CFAP299: variants seen among roughly 807,000 people sequenced by gnomAD.
CFAP299 encodes cilia- and flagella-associated protein 299.
In CFAP299, 21 loss-of-function variants were observed where a neutral mutation model predicts 27.0. The ratio of observed to expected loss-of-function variants is 0.78; its 90% CI spans 0.55 to 1.12. CFAP299 has a LOEUF of 1.12. Ranked by LOEUF, CFAP299 falls within the 50% of genes most tolerant of loss-of-function variation. The probability of loss-of-function intolerance (pLI) is 0.00; values close to 1 mark genes in which losing one functional copy is unlikely to be tolerated. For synonymous variants in CFAP299, 104 were observed against 98.1 expected (o/e 1.06, Z -0.36); for missense variants, 310 against 276.6 (o/e 1.12, Z -0.86).
chr4:80,457,613 C>A (rs751449411), intron 2 of CFAP299, among the ~76,000 whole-genome samples: 3 of 152,154 alleles, frequency 2.0e-5, no homozygotes, highest in Non-Finnish European at 4.4e-5. Context: ...GGTTGGTAGT[C>A]AGAGTTTCTC....
chr4:80,846,971 C>A (rs1234789938), intron 3 of CFAP299, among the ~76,000 whole-genome samples: 6 of 152,196 alleles, frequency 3.9e-5, no homozygotes, highest in Admixed American at 3.9e-4. Flanking sequence ...TCTGCAAGAA[C>A]AATGCCCTTT....
At chr4:80,909,980 C>A (rs1578231556) in intron 4 of CFAP299, among the ~76,000 whole-genome samples, 1 of 152,174 alleles carries the variant, frequency 6.6e-6, no homozygotes, top group African/African-American at 2.4e-5. Flanking sequence ...TTAACTCATG[C>A]TTTAAAAATC....
intron 2 of CFAP299, among the ~76,000 whole-genome samples, chr4:80,530,667 A>G (rs117269279): frequency 1.3e-5 from 2 of 152,338 alleles, no homozygotes; most frequent in East Asian, 3.9e-4. Flanking sequence ...TTTGTGCTAA[A>G]TTGTAAATGC....
At chr4:80,871,880 T>A (rs13146260) in intron 4 of CFAP299, 19,232 of 155,862 alleles carry the variant, frequency 0.12, 1,359 homozygotes, top group Middle Eastern at 0.25. Flanking sequence ...ACTGTCTAAT[T>A]TATTTTTTAT....
intron 2 of CFAP299, among the ~76,000 whole-genome samples, chr4:80,531,318 G>A (rs1198775889): frequency 6.6e-6 from 1 of 152,080 alleles, no homozygotes; most frequent in African/African-American, 2.4e-5. Flanking sequence ...TATATTTATA[G>A]ATAAATTTCT....
At chr4:80,611,022 G>T (rs1461715345) in intron 3 of CFAP299, among the ~76,000 whole-genome samples, 1 of 151,990 alleles carries the variant, frequency 6.6e-6, no homozygotes, top group African/African-American at 2.4e-5. Context: ...TGGCCAAATG[G>T]TAAACCGCAG....
intron 2 of CFAP299, among the ~76,000 whole-genome samples, chr4:80,421,510 CACTT>C (rs946582457): frequency 1.3e-5 from 2 of 152,302 alleles, no homozygotes; most frequent in South Asian, 2.1e-4. Context: ...GAATAATTAG[CACTT>C]ACTTATTACT....
At position 80,402,411 on chromosome 4, in the gene CFAP299, T is replaced by A. The variant is rs530359634; in HGVS notation, c.242+39527T>A. ...GCTGGTCTTTCCCATGCTATTCTCA[T>A]GATAGCGAATAAGTATCATGAGATC... On this transcript the variant is annotated intron_variant, in intron 2 of 5. Coordinates refer to ENST00000358105, the MANE Select transcript of CFAP299 (RefSeq NM_152770.3). Among the ~76,000 whole-genome samples the A allele has an allele frequency of 1.3e-4, 20 of 152,298 alleles. No individual in the cohort carries two copies. In the East Asian group the frequency reaches 3.9e-3, roughly 29 times the overall value.
intron 3 of CFAP299, among the ~76,000 whole-genome samples, chr4:80,784,099 A>G (rs1344763516): frequency 6.6e-6 from 1 of 152,068 alleles, no homozygotes; most frequent in East Asian, 1.9e-4. Flanking sequence ...ATAATATTCC[A>G]TTTGTGTGTA....
At chr4:80,644,624 G>C (rs1052366273) in intron 3 of CFAP299, among the ~76,000 whole-genome samples, 5 of 152,176 alleles carry the variant, frequency 3.3e-5, no homozygotes, top group Non-Finnish European at 5.9e-5. Context: ...TGGAAACAAT[G>C]TAAGTATTTG....
At chr4:80,388,467 C>A in intron 2 of CFAP299, 1 of 1,066,210 alleles carries the variant, frequency 9.4e-7, no homozygotes, top group Non-Finnish European at 1.4e-6. Context: ...GAGACTGTGT[C>A]CAGGTCGGGG....
intron 3 of CFAP299, among the ~76,000 whole-genome samples, chr4:80,841,131 G>A (rs1730841247): frequency 1.3e-5 from 2 of 152,080 alleles, no homozygotes; most frequent in Non-Finnish European, 2.9e-5. Flanking sequence ...GTAACAATAA[G>A]CACTTTATAA....
intron 2 of CFAP299, among the ~76,000 whole-genome samples, chr4:80,393,711 G>A (rs894146877): frequency 6.6e-6 from 1 of 152,114 alleles, no homozygotes; most frequent in African/African-American, 2.4e-5. Flanking sequence ...GTTTGTGTCA[G>A]TACACTCTAT....
intron 3 of CFAP299, among the ~76,000 whole-genome samples, chr4:80,715,182 A>G (rs1026885547): frequency 6.6e-6 from 1 of 152,126 alleles, no homozygotes; most frequent in African/African-American, 2.4e-5. Flanking sequence ...TGTTCTGATC[A>G]ATCCAAATTA....
intron 4 of CFAP299, among the ~76,000 whole-genome samples, chr4:80,903,452 T>C (rs1356686995): frequency 6.6e-6 from 1 of 152,042 alleles, no homozygotes; most frequent in Non-Finnish European, 1.5e-5. Context: ...AATATTATTT[T>C]GTTCTAATTA....
chr4:80,440,041 A>T (rs1728280933), intron 2 of CFAP299, among the ~76,000 whole-genome samples: 1 of 152,176 alleles, frequency 6.6e-6, no homozygotes, highest in Non-Finnish European at 1.5e-5. Context: ...AAAGAAAGGC[A>T]GCAGCCCCCA....
chr4:80,426,308 T>G (rs1382383583), intron 2 of CFAP299, among the ~76,000 whole-genome samples: 1 of 152,158 alleles, frequency 6.6e-6, no homozygotes, highest in Admixed American at 6.5e-5. Context: ...CTATATATGC[T>G]AATATGATCA....
chr4:80,736,880 A>G (rs1411142511), intron 3 of CFAP299, among the ~76,000 whole-genome samples: 1 of 152,204 alleles, frequency 6.6e-6, no homozygotes, highest in Non-Finnish European at 1.5e-5. Context: ...TTATTGCTGC[A>G]TTATTCACAA....
intron 1 of CFAP299, among the ~76,000 whole-genome samples, chr4:80,349,274 T>C (rs1722907728): frequency 6.6e-6 from 1 of 152,218 alleles, no homozygotes; most frequent in Non-Finnish European, 1.5e-5. Context: ...TACAAATGTC[T>C]CTTGTGGTTC....
Sources: allele counts gnomAD v4.1 joint callset (sites outside exome capture counted in the v4.1 genomes callset), GRCh38; gene constraint gnomAD v4.1.1; transcripts MANE v1.5; gene names NCBI Gene and HGNC (gene_info 2026-07-23, HGNC 2026-07-21).